DLG2: variants seen among roughly 807,000 people sequenced by gnomAD.
The protein encoded by DLG2 is disks large homolog 2.
Under a neutral mutation model 132.5 loss-of-function variants are expected in DLG2, and 45 were observed. The observed-to-expected ratio is 0.34, with a 90% CI of 0.27 to 0.44. The LOEUF (loss-of-function observed/expected upper bound fraction) is 0.44. Ranked by LOEUF, DLG2 falls within the 20% of genes least tolerant of loss-of-function variation. DLG2 has a pLI of 1.00. For missense variants in DLG2, 1,045 were observed against 1,196.9 expected, an observed-to-expected ratio of 0.87 and a Z score of 1.87; for synonymous variants, 424 against 419.6, an observed-to-expected ratio of 1.01 and a Z score of -0.13.
intron 3 of DLG2, among the ~76,000 whole-genome samples, chr11:85,594,753 G>T (rs1044647499): frequency 6.6e-6 from 1 of 152,044 alleles, no homozygotes; most frequent in African/African-American, 2.4e-5. Flanking sequence ...AGTCAATTTA[G>T]AAGTACAAAA....
intron 3 of DLG2, among the ~76,000 whole-genome samples, chr11:85,559,155 A>T (rs11234362): frequency 0.033 from 4,612 of 140,348 alleles, 143 homozygotes; most frequent in East Asian, 0.099. Context: ...TATTATTATT[A>T]TTTTTTTTTT....
chr11:84,270,757 G>C (rs184511116), intron 7 of DLG2, among the ~76,000 whole-genome samples: 1 of 152,220 alleles, frequency 6.6e-6, no homozygotes, highest in African/African-American at 2.4e-5. Flanking sequence ...ACCTTTTCAG[G>C]TCAATTCTCC....
At chr11:84,039,378 C>T (rs1433245021) in intron 11 of DLG2, among the ~76,000 whole-genome samples, 2 of 122,748 alleles carry the variant, frequency 1.6e-5, no homozygotes, top group Admixed American at 1.9e-4. Context: ...CCGCCCCCCA[C>T]CCCACAACAG....
intron 19 of DLG2, among the ~76,000 whole-genome samples, chr11:83,589,522 G>A (rs1209140488): frequency 6.6e-6 from 1 of 151,994 alleles, no homozygotes; most frequent in African/African-American, 2.4e-5. Flanking sequence ...ACCGGAACCA[G>A]CCACTGCAAA....
chr11:84,484,260 G>A (rs2099145403), intron 7 of DLG2, among the ~76,000 whole-genome samples: 1 of 152,128 alleles, frequency 6.6e-6, no homozygotes. Context: ...GTAAAAGCTA[G>A]TGTAAGATCC....
chr11:84,746,501 A>G (rs948920483), intron 6 of DLG2, among the ~76,000 whole-genome samples: 1 of 151,826 alleles, frequency 6.6e-6, no homozygotes. Flanking sequence ...AGTTAAAGTT[A>G]TTTTGCAGGG....
At chr11:84,728,457 A>G (rs1447279940) in intron 6 of DLG2, among the ~76,000 whole-genome samples, 1 of 152,134 alleles carries the variant, frequency 6.6e-6, no homozygotes, top group Non-Finnish European at 1.5e-5. Flanking sequence ...ATCGTGGTGG[A>G]TAAGCTTCCT....
At chr11:83,896,652 T>C (rs186846316) in intron 15 of DLG2, among the ~76,000 whole-genome samples, 10 of 152,288 alleles carry the variant, frequency 6.6e-5, no homozygotes, top group African/African-American at 2.4e-4. Context: ...TGCAATTTTA[T>C]AGAGAAAATA....
chr11:83,858,698 A>G (rs1013213813), intron 16 of DLG2, among the ~76,000 whole-genome samples: 2 of 152,202 alleles, frequency 1.3e-5, no homozygotes, highest in East Asian at 3.8e-4. Flanking sequence ...CTGACACACA[A>G]GGCCAGGTAA....
chr11:85,102,499 T>C (rs2071039379), intron 6 of DLG2, among the ~76,000 whole-genome samples: 1 of 151,976 alleles, frequency 6.6e-6, no homozygotes, highest in Non-Finnish European at 1.5e-5. Flanking sequence ...GGCTTCTTAA[T>C]ATTCTCAATA....
intron 6 of DLG2, among the ~76,000 whole-genome samples, chr11:84,540,856 C>A (rs527672255): frequency 2.6e-5 from 4 of 152,226 alleles, no homozygotes; most frequent in Non-Finnish European, 4.4e-5. Context: ...GAATACTATG[C>A]AGCCATAAAA....
intron 6 of DLG2, among the ~76,000 whole-genome samples, chr11:84,589,031 A>G (rs2099536578): frequency 6.6e-6 from 1 of 152,154 alleles, no homozygotes; most frequent in African/African-American, 2.4e-5. Flanking sequence ...CCTGACCCAA[A>G]GACTAACTCC....
At chr11:84,247,282 CAGAG>C (rs2097314516) in intron 8 of DLG2, among the ~76,000 whole-genome samples, 1 of 152,050 alleles carries the variant, frequency 6.6e-6, no homozygotes, top group South Asian at 2.1e-4. Context: ...TGCAGAGTAC[CAGAG>C]AGTAAAGCAT....
intron 8 of DLG2, among the ~76,000 whole-genome samples, chr11:84,208,151 ACT>A (rs2096700007): frequency 6.6e-6 from 1 of 152,086 alleles, no homozygotes; most frequent in Non-Finnish European, 1.5e-5. Flanking sequence ...TTTTACTTTT[ACT>A]ATATATTTAT....
intron 11 of DLG2, among the ~76,000 whole-genome samples, chr11:84,002,177 G>T (rs1389760401): frequency 1.3e-4 from 20 of 152,264 alleles, no homozygotes. Context: ...AAATAGCAAA[G>T]AAGAGAGAAC....
chr11:83,947,637 G>C (rs2084382078), intron 14 of DLG2, among the ~76,000 whole-genome samples: 1 of 152,168 alleles, frequency 6.6e-6, no homozygotes, highest in Non-Finnish European at 1.5e-5. Flanking sequence ...CTCATTTTGT[G>C]CCAGGCTCTG....
At chr11:83,817,477 T>C (rs944918272) in intron 17 of DLG2, among the ~76,000 whole-genome samples, 1 of 152,120 alleles carries the variant, frequency 6.6e-6, no homozygotes, top group Non-Finnish European at 1.5e-5. Context: ...ATCGAGGAAT[T>C]GAGACTTTAT....
At chr11:84,666,287 A>T (rs2099699652) in intron 6 of DLG2, among the ~76,000 whole-genome samples, 2 of 152,162 alleles carry the variant, frequency 1.3e-5, no homozygotes, top group African/African-American at 4.8e-5. Flanking sequence ...CTCTTCTCAA[A>T]GTAAAAGAGA....
At chr11:83,588,171 T>A (rs542660763) in intron 19 of DLG2, among the ~76,000 whole-genome samples, 1 of 152,068 alleles carries the variant, frequency 6.6e-6, no homozygotes, top group African/African-American at 2.4e-5. Context: ...AGGCTCCACC[T>A]CTGGGGGCAG....
Sources: allele counts gnomAD v4.1 joint callset (sites outside exome capture counted in the v4.1 genomes callset), GRCh38; gene constraint gnomAD v4.1.1; transcripts MANE v1.5; gene names NCBI Gene and HGNC (gene_info 2026-07-23, HGNC 2026-07-21).